Variants in TEX9 observed in about 807,000 individuals in gnomAD.
TEX9 encodes the protein testis expressed 9, also known as testis-expressed protein 9.
A neutral mutation model predicts 59.6 loss-of-function variants in TEX9; 74 were observed. The observed-to-expected ratio is 1.24, with a 90% CI of 1.03 to 1.51. TEX9 has a LOEUF of 1.51. TEX9 is among the 40% of genes most tolerant of loss of function. TEX9 has a pLI of 0.00. For missense variants in TEX9, 522 were observed against 447.8 expected, an observed-to-expected ratio of 1.17 and a Z score of -1.49; for synonymous variants, 186 against 152.2, an observed-to-expected ratio of 1.22 and a Z score of -1.64.
intron 12 of TEX9, among the ~76,000 whole-genome samples, chr15:56,439,579 G>A (rs2050784511): frequency 6.6e-6 from 1 of 152,064 alleles, no homozygotes; most frequent in African/African-American, 2.4e-5. Flanking sequence ...CATGCCAACT[G>A]TGTTTTAAGA....
intron 12 of TEX9, chr15:56,444,432 G>T: frequency 6.3e-7 from 1 of 1,592,442 alleles, no homozygotes; most frequent in South Asian, 1.1e-5. Flanking sequence ...AAGAAAGTTA[G>T]GATAAACTTA....
intron 1 of TEX9, among the ~76,000 whole-genome samples, chr15:56,319,777 T>C (rs2045861974): frequency 6.6e-6 from 1 of 152,126 alleles, no homozygotes; most frequent in African/African-American, 2.4e-5. Context: ...GCCAGTGTTA[T>C]GGCCAAGAAA....
At chr15:56,316,751 C>T (rs543297516) in intron 1 of TEX9, among the ~76,000 whole-genome samples, 1 of 152,196 alleles carries the variant, frequency 6.6e-6, no homozygotes, top group Non-Finnish European at 1.5e-5. Context: ...CCCCCAGCCT[C>T]GCTGTCGCCT....
At position 56,394,688 on chromosome 15, in the gene TEX9, C is replaced by A. The variant is rs561542184; in HGVS notation, c.682C>A (p.Gln228Lys). 3.1e-6 allele frequency: 5 copies of A among 1,604,020 alleles called. No individual in the cohort carries two copies. Among genetic ancestry groups the A allele is most frequent in the Middle Eastern group, 1.9e-4 (1 of 5,162 alleles). The change falls in exon 9 of 13, where the codon CAA becomes AAA. Residue 228 changes from glutamine to lysine, a missense_variant. Transcript: ENST00000352903. ...GGATGAAATTCAGAATTTAAAGTCT[C>A]AAGTAAAAAATTTTGAAGAAGATTT... is the stretch of plus-strand genomic sequence containing the variant.
chr15:56,448,947 G>A (rs28850044), downstream of TEX9, among the ~76,000 whole-genome samples: 409 of 151,964 alleles, frequency 2.7e-3, 1 homozygote, highest in African/African-American at 9.3e-3. Flanking sequence ...TACAGATGGA[G>A]TTACACCATG....
chr15:56,272,027 G>C (rs374149044), intron 1 of TEX9, among the ~76,000 whole-genome samples: 2 of 151,986 alleles, frequency 1.3e-5, no homozygotes, highest in Admixed American at 1.3e-4. Flanking sequence ...ACCGGTAGTC[G>C]CAGCTACTCG....
At chr15:56,251,213 A>G (rs1033761710) in intron 1 of TEX9, among the ~76,000 whole-genome samples, 1 of 152,118 alleles carries the variant, frequency 6.6e-6, no homozygotes, top group African/African-American at 2.4e-5. Context: ...CCAGTGTTAT[A>G]TTGTGGCTGA....
intron 2 of TEX9, among the ~76,000 whole-genome samples, chr15:56,367,453 C>T (rs1240197296): frequency 6.6e-6 from 1 of 152,170 alleles, no homozygotes; most frequent in African/African-American, 2.4e-5. Flanking sequence ...TTTTGCAGTT[C>T]TGCTTCTGTT....
intron 6 of TEX9, among the ~76,000 whole-genome samples, chr15:56,390,728 G>T (rs2048169504): frequency 6.6e-6 from 1 of 151,952 alleles, no homozygotes; most frequent in Non-Finnish European, 1.5e-5. Flanking sequence ...TTGTTTGATT[G>T]AGCTATTAGC....
At chr15:56,250,926 G>A (rs1298237521) in intron 1 of TEX9, among the ~76,000 whole-genome samples, 1 of 152,232 alleles carries the variant, frequency 6.6e-6, no homozygotes, top group Non-Finnish European at 1.5e-5. Context: ...CTTAGAGTAT[G>A]ATTTGAATAG....
intron 9 of TEX9, among the ~76,000 whole-genome samples, chr15:56,399,988 C>G (rs1404984531): frequency 6.6e-6 from 1 of 152,208 alleles, no homozygotes; most frequent in Non-Finnish European, 1.5e-5. Flanking sequence ...TAGTTACCAA[C>G]ATCAAAGACC....
At chr15:56,320,433 C>T (rs756154220) in intron 1 of TEX9, among the ~76,000 whole-genome samples, 1 of 152,052 alleles carries the variant, frequency 6.6e-6, no homozygotes, top group South Asian at 2.1e-4. Context: ...CAGAGGGCTT[C>T]CTTTTTACTA....
At position 56,355,069 on chromosome 15, in the gene TEX9, A is replaced by G. The variant is rs530824620; in HGVS notation, c.-106-18372A>G. ...ATATCCATGCCCATGATCAATATATAGAACATGACCAGAAGTTCCTCATGG... is the reference window on the plus strand; with the variant it reads ...ATATCCATGCCCATGATCAATATATGGAACATGACCAGAAGTTCCTCATGG... On this transcript the variant is annotated intron_variant, in intron 1 of 5. Transcript: ENST00000560827. Among the ~76,000 whole-genome samples the G allele has an allele frequency of 1.3e-3, 195 of 152,332 alleles. 1 individual carries two copies. Among genetic ancestry groups the G allele is most frequent in the African/African-American group, 4.5e-3 (189 of 41,580 alleles).
chr15:56,411,001 C>T (rs1283674858), intron 9 of TEX9, among the ~76,000 whole-genome samples: 1 of 152,102 alleles, frequency 6.6e-6, no homozygotes, highest in Non-Finnish European at 1.5e-5. Flanking sequence ...TTGTTTTTCC[C>T]CTTAATTACT....
chr15:56,315,160 A>G (rs1278019827), intron 1 of TEX9, among the ~76,000 whole-genome samples: 1 of 146,614 alleles, frequency 6.8e-6, no homozygotes, highest in Non-Finnish European at 1.5e-5. Flanking sequence ...ATTTAAAGTT[A>G]GTATTGTTAT....
chr15:56,392,957 G>C (rs2142305601), intron 7 of TEX9, among the ~76,000 whole-genome samples: 1 of 152,232 alleles, frequency 6.6e-6, no homozygotes, highest in Admixed American at 6.5e-5. Context: ...TGCTTGGAAT[G>C]GTTTGGTTAT....
intron 1 of TEX9, among the ~76,000 whole-genome samples, chr15:56,283,412 A>G (rs2044867130): frequency 6.6e-6 from 1 of 152,182 alleles, no homozygotes; most frequent in Non-Finnish European, 1.5e-5. Flanking sequence ...TGCAGTTACA[A>G]ATACCTTTTA....
chr15:56,421,283 A>AC (rs2049965804), intron 10 of TEX9, among the ~76,000 whole-genome samples: 1 of 151,520 alleles, frequency 6.6e-6, no homozygotes, highest in Non-Finnish European at 1.5e-5. Context: ...GAATGAATTG[A>AC]CCTCTTATTA....
At chr15:56,315,125 T>C (rs879753528) in intron 1 of TEX9, among the ~76,000 whole-genome samples, 120 of 150,526 alleles carry the variant, frequency 8.0e-4, no homozygotes, top group Non-Finnish European at 1.5e-3. Context: ...CTGTGTCTTT[T>C]AATTGGAGAA....
Sources: gnomAD v4.1 joint callset for allele counts (sites outside exome capture counted in the v4.1 genomes callset) on GRCh38, gnomAD v4.1.1 for gene constraint, MANE v1.5 for transcripts, NCBI Gene and HGNC (gene_info 2026-07-23, HGNC 2026-07-21) for gene names.